Variants in MED16 observed in about 807,000 individuals in gnomAD.
MED16 encodes mediator complex subunit 16.
MED16 carries 81 observed loss-of-function variants against 84.4 expected under a neutral mutation model. The ratio of observed to expected loss-of-function variants is 0.96; its 90% CI spans 0.80 to 1.15. The LOEUF is 1.15. Ranked by LOEUF, MED16 falls within the 50% of genes most tolerant of loss-of-function variation. MED16 has a pLI of 0.00. For missense variants in MED16, 1,585 were observed against 1,245.9 expected (o/e 1.27, Z -4.10); for synonymous variants, 897 against 552.2 (o/e 1.62, Z -8.76).
At chr19:870,560 G>A (rs1325356100) in intron 13 of MED16, among the ~76,000 whole-genome samples, 2 of 128,240 alleles carry the variant, frequency 1.6e-5, no homozygotes, top group South Asian at 2.5e-4. Context: ...GACCCTGTCG[G>A]GGAGACAAAA....
chr19:892,873 G>T (rs1470686251), intron 1 of MED16: 1 of 81,282 alleles, frequency 1.2e-5, no homozygotes, highest in Non-Finnish European at 2.9e-5. Context: ...CGCAAACCCT[G>T]AGCCCCGAGC....
At chr19:892,730 C>G (rs2036663159) in intron 1 of MED16, 1 of 152,530 alleles carries the variant, frequency 6.6e-6, no homozygotes, top group African/African-American at 2.4e-5. Flanking sequence ...CAGGCTCCAC[C>G]CCGGCGACCC....
chr19:879,101 C>T (rs1313772066), intron 8 of MED16, among the ~76,000 whole-genome samples: 1 of 142,988 alleles, frequency 7.0e-6, no homozygotes, highest in Non-Finnish European at 1.6e-5. Flanking sequence ...AGCAGCTCGC[C>T]TTCCCCTGGT....
intron 8 of MED16, among the ~76,000 whole-genome samples, chr19:878,934 G>GGCCCCA (rs2036339579): frequency 3.3e-5 from 2 of 61,198 alleles, no homozygotes; most frequent in South Asian, 8.4e-4. Flanking sequence ...CCCCGGCCCC[G>GGCCCCA]GCCCCGGCCC....
At chr19:883,225 A>T (rs916689709) in intron 6 of MED16, among the ~76,000 whole-genome samples, 1 of 151,110 alleles carries the variant, frequency 6.6e-6, no homozygotes, top group Non-Finnish European at 1.5e-5. Context: ...CATGGTAGGA[A>T]CCGAAGCCTG....
In MED16 at chr19:868,922, G is replaced by T. The variant is rs756855793; in HGVS notation, c.2340C>A (p.Asp780Glu). 6.5e-7 allele frequency: 1 copy of T among 1,549,096 alleles called. No individual in the cohort carries two copies. The highest frequency in any genetic ancestry group is 2.4e-5 in the East Asian group (1 of 42,436). ...LARAPGQPKI[D>E]HLRRLHLGAC... Reference sequence around the variant, plus strand: ...CGCCAAGGTGCAGCCTCCGCAGGTGGTCGATCTTGGGCTGGCCTGGGGCCC... The same window carrying T: ...CGCCAAGGTGCAGCCTCCGCAGGTGTTCGATCTTGGGCTGGCCTGGGGCCC... Residue 780 changes from aspartate to glutamate, a missense_variant, in exon 14 of 16, where the codon GAC becomes GAA. Coordinates refer to ENST00000325464, the MANE Select transcript of MED16 (RefSeq NM_005481.3).
Position 871,040 on chromosome 19 carries a change from G to C in MED16, c.2312C>G (p.Ala771Gly). The change falls in exon 13 of 16, where the codon GCC becomes GGC. Residue 771 changes from alanine to glycine, a missense_variant. By Grantham distance (60) the Ala-to-Gly change is moderately conservative. Coordinates refer to ENST00000325464, the MANE Select transcript of MED16 (RefSeq NM_005481.3). ...SAATLQLDGL[A>G]RAPGQPKIDH... The stretch of plus-strand genomic sequence containing the variant: ...ACCAATGCAGGGACACACGCACCTG[G>C]CGAGGCCGTCGAGCTGCAGGGTGGC... 2 of 1,542,140 alleles carry C rather than the reference G, an allele frequency of 1.3e-6. No homozygotes were observed. The highest frequency in any genetic ancestry group is 1.8e-6 in the Non-Finnish European group (2 of 1,141,852).
Position 871,251 on chromosome 19 carries a change from G to C in MED16, c.2101C>G (p.Arg701Gly), listed in dbSNP as rs376733954. The part of the protein sequence containing the change: ...RLLTKLWICC[R>G]DEGPASEPDE... ...GGCTCGCTCGCTGGGCCCTCATCGC[G>C]ACCTGCGGAGAGAGGTGGCGGAAGT... Residue 701 changes from arginine (R) to glycine (G), a missense_variant and splice_region_variant, in exon 13 of 16, where the codon CGC (arginine) becomes GGC (glycine). Coordinates refer to ENST00000325464, the MANE Select transcript of MED16 (RefSeq NM_005481.3). 2.6e-6 allele frequency: 4 copies of C among 1,533,948 alleles called. No homozygotes were observed. Among genetic ancestry groups the C allele is most frequent in the East Asian group, 2.5e-5 (1 of 40,662 alleles).
At chr19:887,520 G>A (rs2036550657) in intron 4 of MED16, among the ~76,000 whole-genome samples, 1 of 151,990 alleles carries the variant, frequency 6.6e-6, no homozygotes, top group African/African-American at 2.4e-5. Flanking sequence ...ACAAAAATTA[G>A]CCGGGCGCGG....
chr19:887,845 G>A (rs762750210), intron 4 of MED16, among the ~76,000 whole-genome samples: 52 of 151,996 alleles, frequency 3.4e-4, no homozygotes, highest in Non-Finnish European at 6.6e-4. Context: ...GGGTCTCGGG[G>A]GCTGGGGTGG....
rs763076728 is a variant in MED16 at position 871,238 on chromosome 19, G to C, written c.2114C>G (p.Pro705Arg). The C allele has an allele frequency of 9.1e-6, 14 of 1,539,804 alleles. No homozygotes were observed. The highest frequency in any genetic ancestry group is 1.2e-5 in the Non-Finnish European group (14 of 1,138,980). Residue 705 changes from proline to arginine, a missense_variant, in exon 13 of 16, where the codon CCA (proline) becomes CGA (arginine). Coordinates refer to ENST00000325464, the MANE Select transcript of MED16 (RefSeq NM_005481.3). The part of the protein sequence containing the change: ...KLWICCRDEG[P>R]ASEPDEALVD... Reference sequence around the variant, plus strand: ...CAGCGCCTCGTCCGGCTCGCTCGCTGGGCCCTCATCGCGACCTGCGGAGAG... The same window carrying C: ...CAGCGCCTCGTCCGGCTCGCTCGCTCGGCCCTCATCGCGACCTGCGGAGAG...
Position 876,404 on chromosome 19 carries a change from A to G in MED16, c.1560+570T>C, listed in dbSNP as rs369941648. On this transcript the variant is annotated intron_variant, in intron 9 of 15. Coordinates refer to ENST00000325464, the MANE Select transcript of MED16 (RefSeq NM_005481.3). The stretch of plus-strand genomic sequence containing the variant: ...CTGACCGTGTTTGCTGAGGCCTCAC[A>G]CCACAGGGCCACCGGGTGTGCATCC... Among the ~76,000 whole-genome samples the G allele has an allele frequency of 3.9e-4, 60 of 152,104 alleles. No individual in the cohort carries two copies. The East Asian group carries it at 9.7e-3, about 24-fold the overall frequency.
chr19:875,532 G>C (rs929327824), intron 9 of MED16, 78 bp from the exon 10 acceptor site: 7 of 1,193,014 alleles, frequency 5.9e-6, no homozygotes, highest in Admixed American at 2.4e-5. Flanking sequence ...GAGAAGAGCA[G>C]TTCGACTCTG....
In MED16 at chr19:889,781, C is replaced by T. The variant is rs761411743; in HGVS notation, c.304G>A (p.Asp102Asn). The change falls in exon 4 of 16, where the codon GAC (aspartate) becomes AAC (asparagine). Residue 102 changes from aspartate to asparagine, a missense_variant. Transcript: ENST00000325464. The stretch of plus-strand genomic sequence containing the variant: ...ATGCTCCAGCACTTGATCTGCCCGT[C>T]GGCATCTGCTGACAGGAGCCGGGAG... ...SGSRLLSADA[D>N]GQIKCWSMAD... is the part of the protein sequence containing the mutation. 2.9e-5 allele frequency: 46 copies of T among 1,612,584 alleles called. 3 individuals carry two copies. In the South Asian group the frequency reaches 3.9e-4, roughly 13 times the overall value.
chr19:870,497 G>A (rs944944287), intron 13 of MED16, among the ~76,000 whole-genome samples: 8 of 150,996 alleles, frequency 5.3e-5, no homozygotes, highest in Non-Finnish European at 8.8e-5. Context: ...AGAGGCAGAC[G>A]TTGCAGTGGG....
intron 6 of MED16, among the ~76,000 whole-genome samples, chr19:882,919 G>A (rs2036449617): frequency 6.6e-6 from 1 of 152,200 alleles, no homozygotes; most frequent in Non-Finnish European, 1.5e-5. Context: ...GGGGAAACAG[G>A]CCCAGAGAGT....
intron 12 of MED16, chr19:871,650 C>T (rs780757089): frequency 4.0e-5 from 63 of 1,589,010 alleles, no homozygotes; most frequent in African/African-American, 2.7e-4. Flanking sequence ...AGAGCATGGA[C>T]CTGTGCTAGG....
At chr19:881,907 C>T (rs1245655102) in intron 6 of MED16, among the ~76,000 whole-genome samples, 193 bp from the exon 7 acceptor site, 1 of 152,198 alleles carries the variant, frequency 6.6e-6, no homozygotes, top group African/African-American at 2.4e-5. Flanking sequence ...TCATTGGTTC[C>T]AGGATGGGCA....
chr19:875,522 G>A (rs1207158860), intron 9 of MED16, 68 bp from the exon 10 acceptor site: 5 of 1,315,146 alleles, frequency 3.8e-6, no homozygotes, highest in African/African-American at 2.9e-5. Context: ...TCCAGCTGAG[G>A]AGAAGAGCAG....
Sources: gnomAD v4.1 joint callset for allele counts (sites outside exome capture counted in the v4.1 genomes callset) on GRCh38, gnomAD v4.1.1 for gene constraint, MANE v1.5 for transcripts, NCBI Gene and HGNC (gene_info 2026-07-23, HGNC 2026-07-21) for gene names.